FAM185A: variants seen among roughly 807,000 people sequenced by gnomAD.
The protein encoded by FAM185A is protein FAM185A.
In FAM185A, 21 loss-of-function variants were observed where a neutral mutation model predicts 45.7. That is an observed-to-expected ratio of 0.46 (90% CI 0.33 to 0.66). The LOEUF is 0.66. Among genes scored for constraint, FAM185A ranks in the 30% least tolerant of loss-of-function variants. The probability of loss-of-function intolerance (pLI) is 0.03; values close to 1 mark genes in which losing one functional copy is unlikely to be tolerated. For synonymous variants in FAM185A, 117 were observed against 194.0 expected (o/e 0.60, Z 3.30); for missense variants, 305 against 485.4 (o/e 0.63, Z 3.49).
the FAM185A span, among the ~76,000 whole-genome samples, chr7:102,826,724 C>CATATATATATAT: frequency 1.2e-3 from 77 of 62,652 alleles, 1 homozygote; most frequent in Non-Finnish European, 2.0e-3. Flanking sequence ...GACCCTGTCT[C>CATATATATATAT]ATATATATAT....
chr7:102,763,275 C>T (rs1794210893), intron 4 of FAM185A, among the ~76,000 whole-genome samples: 1 of 151,770 alleles, frequency 6.6e-6, no homozygotes, highest in African/African-American at 2.4e-5. Context: ...AAAGTTAATT[C>T]CTTAGCCTTA....
intron 2 of FAM185A, among the ~76,000 whole-genome samples, chr7:102,756,663 A>G (rs1283019799): frequency 6.7e-6 from 1 of 150,322 alleles, no homozygotes; most frequent in African/African-American, 2.4e-5. Context: ...TCTAAAAACA[A>G]AAACAAAAAA....
At chr7:102,836,466 T>C in the FAM185A span, among the ~76,000 whole-genome samples, 1 of 152,216 alleles carries the variant, frequency 6.6e-6, no homozygotes, top group Non-Finnish European at 1.5e-5. Flanking sequence ...CAATATACAC[T>C]TCTGGCTCCA....
At chr7:102,834,010 G>T in the FAM185A span, among the ~76,000 whole-genome samples, 1 of 137,402 alleles carries the variant, frequency 7.3e-6, no homozygotes, top group African/African-American at 2.8e-5. Flanking sequence ...AAAGCAATAG[G>T]AGTAGAAATT....
chr7:102,816,611 G>A, the FAM185A span, among the ~76,000 whole-genome samples: 2,979 of 152,190 alleles, frequency 0.02, 95 homozygotes, highest in African/African-American at 0.069. Flanking sequence ...TTGCACACAC[G>A]CACCTTTAAA....
chr7:102,811,722 A>G (rs1193480070), downstream of FAM185A, among the ~76,000 whole-genome samples: 3 of 152,218 alleles, frequency 2.0e-5, no homozygotes, highest in African/African-American at 7.2e-5. Flanking sequence ...TTTTGAAAAC[A>G]TCTTTAATGC....
At chr7:102,840,285 TA>T in the FAM185A span, among the ~76,000 whole-genome samples, 1 of 152,202 alleles carries the variant, frequency 6.6e-6, no homozygotes, top group Admixed American at 6.5e-5. Context: ...CTCTCCAAAA[TA>T]AAAATGAACC....
chr7:102,795,199 C>G (rs1317388596), intron 7 of FAM185A, among the ~76,000 whole-genome samples: 1 of 152,080 alleles, frequency 6.6e-6, no homozygotes, highest in Non-Finnish European at 1.5e-5. Context: ...GGTCTATAGT[C>G]CAGTTAATTT....
chr7:102,822,063 C>A, the FAM185A span: 1 of 1,614,054 alleles, frequency 6.2e-7, no homozygotes, highest in Non-Finnish European at 8.5e-7. Flanking sequence ...TGCAGTATTG[C>A]ATCTTAAGGA....
chr7:102,793,953 T>C (rs1796291053), intron 7 of FAM185A, among the ~76,000 whole-genome samples: 1 of 149,484 alleles, frequency 6.7e-6, no homozygotes, highest in African/African-American at 2.5e-5. Context: ...GCAGGGAGAA[T>C]TGCTTGAACC....
At chr7:102,790,163 A>G (rs565171906) in intron 7 of FAM185A, among the ~76,000 whole-genome samples, 1 of 152,342 alleles carries the variant, frequency 6.6e-6, no homozygotes, top group Non-Finnish European at 1.5e-5. Context: ...ACAGTCATTT[A>G]TTCTCATTAT....
chr7:102,813,353 G>T, downstream of FAM185A: 2 of 1,608,108 alleles, frequency 1.2e-6, no homozygotes, highest in South Asian at 1.1e-5. Flanking sequence ...CACGCTGCTT[G>T]GTCTTCACTG....
intron 4 of FAM185A, among the ~76,000 whole-genome samples, chr7:102,766,232 A>C (rs530065583): frequency 6.6e-5 from 10 of 152,408 alleles, no homozygotes; most frequent in Middle Eastern, 3.4e-3. Flanking sequence ...TATGATCCGG[A>C]ACAGTGACTA....
At chr7:102,833,143 T>C in the FAM185A span, among the ~76,000 whole-genome samples, 1 of 152,244 alleles carries the variant, frequency 6.6e-6, no homozygotes, top group African/African-American at 2.4e-5. Context: ...CATCTGTTTA[T>C]AGCAAAAGAT....
At chr7:102,756,634 G>A (rs1043135984) in intron 2 of FAM185A, among the ~76,000 whole-genome samples, 1 of 151,880 alleles carries the variant, frequency 6.6e-6, no homozygotes, top group Non-Finnish European at 1.5e-5. Context: ...TTCAGCCTGG[G>A]CGACAGAGCG....
chr7:102,845,886 A>T, the FAM185A span, among the ~76,000 whole-genome samples: 33 of 152,304 alleles, frequency 2.2e-4, no homozygotes, highest in Non-Finnish European at 3.5e-4. Context: ...ATCCTCCCAT[A>T]GCCTCCTACA....
chr7:102,819,606 T>G, the FAM185A span, among the ~76,000 whole-genome samples: 1 of 152,198 alleles, frequency 6.6e-6, no homozygotes, highest in African/African-American at 2.4e-5. Context: ...GGCTGCATCA[T>G]ACATTGTTTT....
intron 5 of FAM185A, among the ~76,000 whole-genome samples, chr7:102,776,099 T>TACACATACACACACACACATATAC (rs1795039976): frequency 1.9e-5 from 2 of 106,670 alleles, no homozygotes; most frequent in African/African-American, 5.2e-5. Flanking sequence ...TTGGCTCCTA[T>TACACATACACACACACACATATAC]ACACACACAC....
At chr7:102,818,250 G>A in the FAM185A span, among the ~76,000 whole-genome samples, 3 of 152,318 alleles carry the variant, frequency 2.0e-5, no homozygotes, top group South Asian at 4.1e-4. Context: ...GAATGTCAGA[G>A]CTTTTTAAAA....
Sources: gnomAD v4.1 joint callset for allele counts (sites outside exome capture counted in the v4.1 genomes callset) on GRCh38, gnomAD v4.1.1 for gene constraint, MANE v1.5 for transcripts, NCBI Gene and HGNC (gene_info 2026-07-23, HGNC 2026-07-21) for gene names.